Variants in PCDHA3 observed in about 807,000 individuals in gnomAD.
PCDHA3 encodes the protein protocadherin alpha 3.
PCDHA3 carries 41 observed loss-of-function variants against 62.2 expected under a neutral mutation model. That is an observed-to-expected ratio of 0.66 (90% confidence interval 0.51 to 0.86). The LOEUF (loss-of-function observed/expected upper bound fraction) is 0.86, where lower values mean the gene tolerates loss of function less well. PCDHA3 is among the 40% of genes least tolerant of loss of function. PCDHA3 has a pLI of 0.00. For missense variants in PCDHA3, 1,304 were observed against 1,241.2 expected (o/e 1.05, Z -0.76); for synonymous variants, 640 against 555.4 (o/e 1.15, Z -2.14).
chr5:140,984,428 G>A (rs2097103075), intron 3 of PCDHA3, among the ~76,000 whole-genome samples: 1 of 152,100 alleles, frequency 6.6e-6, no homozygotes, highest in African/African-American at 2.4e-5. Context: ...ATAGAGAAGG[G>A]GATCTCCCTT....
At chr5:140,990,708 T>G (rs1201090744) in intron 3 of PCDHA3, among the ~76,000 whole-genome samples, 3 of 152,190 alleles carry the variant, frequency 2.0e-5, no homozygotes, top group African/African-American at 7.2e-5. Context: ...TTTATGGGGA[T>G]AAGAGCATCA....
At chr5:140,895,835 A>G (rs782780692) in intron 1 of PCDHA3, among the ~76,000 whole-genome samples, 3 of 152,096 alleles carry the variant, frequency 2.0e-5, no homozygotes, top group Non-Finnish European at 4.4e-5. Context: ...TTTTCAGACA[A>G]AGTCTCACTC....
intron 1 of PCDHA3, chr5:140,857,181 C>G (rs2044400350): frequency 6.3e-7 from 1 of 1,598,486 alleles, no homozygotes; most frequent in East Asian, 2.2e-5. Flanking sequence ...GACCATGATT[C>G]AGGAGCCAAC....
intron 1 of PCDHA3, chr5:140,808,212 A>T (rs1764119362): frequency 6.2e-7 from 1 of 1,614,118 alleles, no homozygotes; most frequent in South Asian, 1.1e-5. Flanking sequence ...GAAGTAGAAG[A>T]CAACAACGAT....
intron 1 of PCDHA3, among the ~76,000 whole-genome samples, chr5:140,959,609 T>A (rs2095500700): frequency 6.6e-6 from 1 of 152,184 alleles, no homozygotes; most frequent in South Asian, 2.1e-4. Flanking sequence ...ATGCTTTTCT[T>A]GCTTGTGATA....
intron 1 of PCDHA3, chr5:140,843,398 C>T (rs2150359248): frequency 2.5e-6 from 4 of 1,595,994 alleles, no homozygotes; most frequent in African/African-American, 2.7e-5. Flanking sequence ...GGAAGCGGCG[C>T]TGGTGGATGT....
rs180868237 is a variant in PCDHA3 at position 140,870,334 on chromosome 5, G to A, written c.2394+66743G>A. 21 of 1,614,166 alleles carry A rather than the reference G, an allele frequency of 1.3e-5. No individual in the cohort carries two copies. The Admixed American group carries it at 2.3e-4, about 18-fold the overall frequency. On this transcript the variant is annotated intron_variant, in intron 1 of 3. Transcript: ENST00000522353. ...TTACTACTCGTTGGTGCTGGACAGC[G>A]CCCTGGACCGCGAGAACGTGTGGGC...
Position 140,822,756 on chromosome 5 carries a change from C to T in PCDHA3, c.2394+19165C>T, listed in dbSNP as rs1030859419. The T allele has an allele frequency of 8.1e-6, 13 of 1,613,646 alleles. No homozygotes were observed. The Admixed American group carries it at 8.3e-5, about 10-fold the overall frequency. ...TTGATGCCATGGATAAAAGTACATTCCCATTATCAGGACACTGTAAAGTAG... is the reference window on the plus strand; with the variant it reads ...TTGATGCCATGGATAAAAGTACATTTCCATTATCAGGACACTGTAAAGTAG... On this transcript the variant is annotated intron_variant, in intron 1 of 3. Transcript: ENST00000522353.
At chr5:140,928,350 T>A in intron 1 of PCDHA3, 1 of 1,614,098 alleles carries the variant, frequency 6.2e-7, no homozygotes, top group Non-Finnish European at 8.5e-7. Context: ...AGCTGTTGGA[T>A]GTTATCTCTG....
intron 1 of PCDHA3, among the ~76,000 whole-genome samples, chr5:140,936,730 T>C (rs2091111568): frequency 6.6e-6 from 1 of 152,258 alleles, no homozygotes; most frequent in Non-Finnish European, 1.5e-5. Flanking sequence ...GTGTTAAATA[T>C]AGTAACTTTT....
chr5:140,850,114 C>T (rs2150468329), intron 1 of PCDHA3: 2 of 1,595,992 alleles, frequency 1.3e-6, no homozygotes, highest in Non-Finnish European at 1.7e-6. Context: ...GCGCGCGACG[C>T]GGGCGTGCCG....
chr5:140,942,023 A>G (rs1391051051), intron 1 of PCDHA3, among the ~76,000 whole-genome samples: 2 of 152,208 alleles, frequency 1.3e-5, no homozygotes, highest in African/African-American at 4.8e-5. Context: ...TTGGGAAAAA[A>G]TAATTCATAA....
chr5:140,969,418 TTAACAG>T (rs782375088), intron 1 of PCDHA3: 40 of 1,564,272 alleles, frequency 2.6e-5, no homozygotes, highest in Non-Finnish European at 3.4e-5. Context: ...TATTGAGTCA[TTAACAG>T]TGACAAGAGT....
At chr5:140,854,876 C>A (rs1221945079) in intron 1 of PCDHA3, among the ~76,000 whole-genome samples, 1 of 149,610 alleles carries the variant, frequency 6.7e-6, no homozygotes, top group Non-Finnish European at 1.5e-5. Context: ...AGAACTGTGT[C>A]TTTTGGGCAT....
chr5:140,831,878 G>T (rs2150197940), intron 1 of PCDHA3, among the ~76,000 whole-genome samples: 2 of 152,198 alleles, frequency 1.3e-5, no homozygotes, highest in African/African-American at 4.8e-5. Flanking sequence ...ATTGTAAGGC[G>T]CTTATAACTG....
chr5:140,991,837 C>T (rs1379982421), intron 3 of PCDHA3, among the ~76,000 whole-genome samples: 3 of 152,158 alleles, frequency 2.0e-5, no homozygotes, highest in African/African-American at 7.2e-5. Context: ...ACGGCAGAAC[C>T]GCACTTCCAG....
At chr5:140,840,108 A>T (rs2150169191) in intron 1 of PCDHA3, among the ~76,000 whole-genome samples, 1 of 152,186 alleles carries the variant, frequency 6.6e-6, no homozygotes, top group Admixed American at 6.5e-5. Flanking sequence ...AGTGAAATCG[A>T]GTGAAAGCTG....
At chr5:140,894,403 T>C (rs1442623931) in intron 1 of PCDHA3, among the ~76,000 whole-genome samples, 3 of 152,046 alleles carry the variant, frequency 2.0e-5, no homozygotes, top group Non-Finnish European at 4.4e-5. Context: ...TTCTTTGCTT[T>C]TCTTTTGTAG....
chr5:140,876,829 C>T (rs782699472), intron 1 of PCDHA3: 2 of 1,614,196 alleles, frequency 1.2e-6, no homozygotes, highest in Non-Finnish European at 1.7e-6. Context: ...CGACAATGCG[C>T]CTGCGTTCGC....
Sources: gnomAD v4.1 joint callset for allele counts (sites outside exome capture counted in the v4.1 genomes callset) on GRCh38, gnomAD v4.1.1 for gene constraint, MANE v1.5 for transcripts, NCBI Gene and HGNC (gene_info 2026-07-23, HGNC 2026-07-21) for gene names.